DNAAF4: variants seen among roughly 807,000 people sequenced by gnomAD.
DNAAF4 encodes the protein dynein assembly factor 4, axonemal.
A neutral mutation model predicts 51.8 loss-of-function variants in DNAAF4; 43 were observed. The ratio of observed to expected loss-of-function variants is 0.83; its 90% confidence interval spans 0.65 to 1.07. The LOEUF is 1.07. Among genes scored for constraint, DNAAF4 ranks in the 50% least tolerant of loss-of-function variants. The probability of loss-of-function intolerance (pLI) is 0.00; values close to 1 mark genes in which losing one functional copy is unlikely to be tolerated. For synonymous variants in DNAAF4, 194 were observed against 165.6 expected, an observed-to-expected ratio of 1.17 and a Z score of -1.32; for missense variants, 581 against 493.0, an observed-to-expected ratio of 1.18 and a Z score of -1.69.
chr15:55,462,075 T>A (rs1302514761), intron 5 of DNAAF4, among the ~76,000 whole-genome samples: 1 of 152,048 alleles, frequency 6.6e-6, no homozygotes, highest in African/African-American at 2.4e-5. Flanking sequence ...TAAACAATCC[T>A]CCCAGATTAA....
chr15:55,457,490 C>T (rs1302936377), intron 5 of DNAAF4, among the ~76,000 whole-genome samples: 1 of 152,174 alleles, frequency 6.6e-6, no homozygotes, highest in African/African-American at 2.4e-5. Context: ...TGGCCCTGCC[C>T]ATCACCTGAG....
chr15:55,471,102 C>G (rs141793990), intron 4 of DNAAF4, among the ~76,000 whole-genome samples: 12 of 152,154 alleles, frequency 7.9e-5, no homozygotes, highest in African/African-American at 2.9e-4. Flanking sequence ...CTCAAGCGAT[C>G]CTCCCACCTC....
At chr15:55,452,790 C>A (rs1388461173) in intron 5 of DNAAF4, among the ~76,000 whole-genome samples, 1 of 152,128 alleles carries the variant, frequency 6.6e-6, no homozygotes, top group Non-Finnish European at 1.5e-5. Flanking sequence ...TGACACAAAG[C>A]TGTTTGGAAA....
chr15:55,480,422 A>ACCTACATGTTCAT (rs1461591155), intron 4 of DNAAF4, among the ~76,000 whole-genome samples: 1 of 152,154 alleles, frequency 6.6e-6, no homozygotes, highest in Admixed American at 6.5e-5. Context: ...CAACAAGCTA[A>ACCTACATGTTCAT]CCTACATGTT....
chr15:55,493,459 G>A (rs2058600469), intron 3 of DNAAF4, among the ~76,000 whole-genome samples: 1 of 152,104 alleles, frequency 6.6e-6, no homozygotes, highest in Non-Finnish European at 1.5e-5. Context: ...AAAACAGGAA[G>A]GTAGACAGCT....
chr15:55,453,813 G>A (rs2057975406), intron 5 of DNAAF4, among the ~76,000 whole-genome samples: 1 of 151,958 alleles, frequency 6.6e-6, no homozygotes, highest in African/African-American at 2.4e-5. Context: ...GCCCCCCAAA[G>A]TGCTGGGATT....
At chr15:55,446,123 G>A (rs1293342186) in intron 6 of DNAAF4, among the ~76,000 whole-genome samples, 1 of 146,130 alleles carries the variant, frequency 6.8e-6, no homozygotes, top group Non-Finnish European at 1.5e-5. Context: ...CAGCCAGGCA[G>A]AGGCGCTCCT....
intron 4 of DNAAF4, among the ~76,000 whole-genome samples, chr15:55,475,632 C>G (rs1278578426): frequency 6.6e-6 from 1 of 152,140 alleles, no homozygotes; most frequent in African/African-American, 2.4e-5. Context: ...TGAACACTTC[C>G]TTTGAGCATT....
intron 4 of DNAAF4, among the ~76,000 whole-genome samples, chr15:55,481,387 T>C (rs2058408861): frequency 6.6e-6 from 1 of 152,222 alleles, no homozygotes; most frequent in African/African-American, 2.4e-5. Context: ...CTGGGTTTCA[T>C]GGCTCCTTCC....
intron 4 of DNAAF4, among the ~76,000 whole-genome samples, chr15:55,477,656 GTGTGTA>G (rs966681940): frequency 3.0e-4 from 24 of 80,562 alleles, no homozygotes; most frequent in African/African-American, 1.3e-3. Context: ...ATGCGTGTGT[GTGTGTA>G]TATATATATA....
chr15:55,469,657 T>A (rs909040001), intron 4 of DNAAF4, among the ~76,000 whole-genome samples: 35 of 151,468 alleles, frequency 2.3e-4, no homozygotes, highest in East Asian at 7.9e-4. Context: ...TAATTTATTT[T>A]TTTTTTATAT....
chr15:55,470,586 G>C (rs1373663601), intron 4 of DNAAF4, among the ~76,000 whole-genome samples: 9 of 151,350 alleles, frequency 5.9e-5, no homozygotes, highest in South Asian at 4.2e-4. Context: ...CTGTCACCCA[G>C]GCTGGAGTGC....
chr15:55,463,614 C>A (rs1049193382), intron 5 of DNAAF4, among the ~76,000 whole-genome samples: 6 of 152,106 alleles, frequency 3.9e-5, no homozygotes, highest in Non-Finnish European at 7.4e-5. Context: ...TCAATGCACA[C>A]AAATCAGTAG....
At chr15:55,489,820 T>C (rs2058545439) in intron 4 of DNAAF4, among the ~76,000 whole-genome samples, 1 of 151,676 alleles carries the variant, frequency 6.6e-6, no homozygotes, top group Non-Finnish European at 1.5e-5. Context: ...AAATAATGCG[T>C]ATTATAGATT....
chr15:55,506,603 A>G (rs1321084556), intron 1 of DNAAF4, among the ~76,000 whole-genome samples: 1 of 152,178 alleles, frequency 6.6e-6, no homozygotes, highest in Non-Finnish European at 1.5e-5. Context: ...CCATCTGAGA[A>G]TTACTGCCCT....
At chr15:55,470,984 G>A (rs1301303617) in intron 4 of DNAAF4, among the ~76,000 whole-genome samples, 1 of 150,572 alleles carries the variant, frequency 6.6e-6, no homozygotes, top group Non-Finnish European at 1.5e-5. Context: ...CTCTCAAGTA[G>A]TTGGGACCAC....
At chr15:55,490,510 C>T (rs73411030) in intron 4 of DNAAF4, among the ~76,000 whole-genome samples, 35,054 of 152,136 alleles carry the variant, frequency 0.23, 8,400 homozygotes, top group African/African-American at 0.62. Context: ...AAATATGCTT[C>T]TGTTTTAAAA....
At chr15:55,460,496 TAA>T (rs897168978) in intron 5 of DNAAF4, among the ~76,000 whole-genome samples, 23 of 152,012 alleles carry the variant, frequency 1.5e-4, no homozygotes, top group Non-Finnish European at 5.9e-5. Context: ...CTCAAATTTA[TAA>T]AACAGTTATT....
chr15:55,491,522 G>A (rs1166191323), intron 3 of DNAAF4, among the ~76,000 whole-genome samples: 1 of 150,860 alleles, frequency 6.6e-6, no homozygotes, highest in Non-Finnish European at 1.5e-5. Context: ...GGCAGGTAAT[G>A]AGAGGGAGAG....
Sources: gnomAD v4.1 joint callset for allele counts (sites outside exome capture counted in the v4.1 genomes callset) on GRCh38, gnomAD v4.1.1 for gene constraint, MANE v1.5 for transcripts, NCBI Gene and HGNC (gene_info 2026-07-23, HGNC 2026-07-21) for gene names.